Variants in MAML3 observed in about 807,000 individuals in gnomAD.
MAML3 encodes the protein mastermind-like protein 3.
Under a neutral mutation model 101.9 loss-of-function variants are expected in MAML3, and 27 were observed. The observed-to-expected ratio is 0.27, with a 90% confidence interval of 0.20 to 0.37. The LOEUF is 0.37. Ranked by LOEUF, MAML3 falls within the 10% of genes least tolerant of loss-of-function variation. The pLI is 1.00. For synonymous variants in MAML3, 501 were observed against 555.9 expected, an observed-to-expected ratio of 0.90 and a Z score of 1.39; for missense variants, 1,316 against 1,444.9, an observed-to-expected ratio of 0.91 and a Z score of 1.45.
intron 1 of MAML3, among the ~76,000 whole-genome samples, chr4:140,098,730 G>A (rs6817684): frequency 0.1 from 15,729 of 152,264 alleles, 1,334 homozygotes; most frequent in African/African-American, 0.23. Flanking sequence ...GGTCTGCATC[G>A]GGCTATTCAC....
intron 1 of MAML3, among the ~76,000 whole-genome samples, chr4:139,904,222 C>A (rs1413873046): frequency 6.6e-6 from 1 of 152,192 alleles, no homozygotes; most frequent in East Asian, 1.9e-4. Flanking sequence ...GTTGAAGCCA[C>A]CCAGTGTGTG....
intron 2 of MAML3, among the ~76,000 whole-genome samples, chr4:139,823,709 A>C: frequency 6.6e-6 from 1 of 151,602 alleles, no homozygotes; most frequent in Non-Finnish European, 1.5e-5. Context: ...CATACTATGT[A>C]ATTTACACTC....
chr4:139,747,770 T>C (rs1729374703), intron 2 of MAML3, among the ~76,000 whole-genome samples: 1 of 151,932 alleles, frequency 6.6e-6, no homozygotes, highest in African/African-American at 2.4e-5. Context: ...AATGCATATA[T>C]AGGCTGGGCG....
At chr4:140,061,013 T>C (rs936371165) in intron 1 of MAML3, among the ~76,000 whole-genome samples, 2 of 152,120 alleles carry the variant, frequency 1.3e-5, no homozygotes, top group Non-Finnish European at 2.9e-5. Context: ...CAAGTTACCA[T>C]GAAGAAATAT....
chr4:139,975,087 C>A (rs1281498365), intron 1 of MAML3, among the ~76,000 whole-genome samples: 2 of 152,238 alleles, frequency 1.3e-5, no homozygotes, highest in East Asian at 3.9e-4. Context: ...TCACACCATT[C>A]TCTTCTCAGA....
chr4:139,811,897 G>A (rs1486972787), intron 2 of MAML3, among the ~76,000 whole-genome samples: 1 of 152,194 alleles, frequency 6.6e-6, no homozygotes, highest in Non-Finnish European at 1.5e-5. Context: ...TAATTCAGTA[G>A]AGCAGGAAAA....
At chr4:139,829,772 C>T (rs945643713) in intron 2 of MAML3, among the ~76,000 whole-genome samples, 3 of 152,120 alleles carry the variant, frequency 2.0e-5, no homozygotes, top group East Asian at 1.9e-4. Flanking sequence ...GATTCAAGCA[C>T]GTTTAGGCAG....
chr4:140,145,547 GA>G (rs1454720084), intron 1 of MAML3, among the ~76,000 whole-genome samples: 1 of 148,700 alleles, frequency 6.7e-6, no homozygotes, highest in Non-Finnish European at 1.5e-5. Flanking sequence ...AGCCTTTTGA[GA>G]TTTTTTTGTT....
intron 1 of MAML3, among the ~76,000 whole-genome samples, chr4:139,965,599 T>A (rs1301751841): frequency 6.6e-6 from 1 of 152,226 alleles, no homozygotes; most frequent in Admixed American, 6.5e-5. Context: ...GTAGCCAAAA[T>A]GTTGTAACAA....
chr4:139,907,374 C>T (rs917241829), intron 1 of MAML3, among the ~76,000 whole-genome samples: 6 of 152,192 alleles, frequency 3.9e-5, no homozygotes, highest in Admixed American at 3.3e-4. Flanking sequence ...AACTTACTTT[C>T]AAAGTCACCC....
At chr4:140,037,860 C>T (rs772562245) in intron 1 of MAML3, among the ~76,000 whole-genome samples, 15 of 152,096 alleles carry the variant, frequency 9.9e-5, no homozygotes, top group African/African-American at 3.1e-4. Flanking sequence ...CCCTTTGTCT[C>T]GAGCTACACT....
intron 1 of MAML3, among the ~76,000 whole-genome samples, chr4:140,050,553 CAAAG>C (rs199690639): frequency 0.038 from 5,809 of 152,210 alleles, 210 homozygotes; most frequent in African/African-American, 0.096. Context: ...CCAGGTTCTC[CAAAG>C]CAGCCATGTG....
chr4:139,871,051 A>T (rs1471769336), intron 2 of MAML3, among the ~76,000 whole-genome samples: 2 of 152,244 alleles, frequency 1.3e-5, no homozygotes, highest in African/African-American at 2.4e-5. Flanking sequence ...CAGTCACACA[A>T]TACACACATT....
rs1328980397 is a variant in MAML3, at chr4:139,840,555, T to A, written c.2079+48802A>T. 7.2e-5 allele frequency among the ~76,000 whole-genome samples: 11 copies of A among 152,080 alleles called. No homozygotes were observed. The East Asian group carries it at 1.9e-3, about 27-fold the overall frequency. On this transcript the variant is annotated intron_variant, in intron 2 of 4. Transcript: ENST00000509479. Reference sequence around the variant, plus strand: ...CCTGGCAAGGGGTATTCTCGACAAATGAAGGGATCCAGTTCCCAAGGGCAA... The same window carrying A: ...CCTGGCAAGGGGTATTCTCGACAAAAGAAGGGATCCAGTTCCCAAGGGCAA...
chr4:140,138,233 T>C (rs1284807077), intron 1 of MAML3, among the ~76,000 whole-genome samples: 1 of 152,214 alleles, frequency 6.6e-6, no homozygotes, highest in Non-Finnish European at 1.5e-5. Flanking sequence ...CTGAGTGTGG[T>C]TATTTACGAT....
At chr4:139,750,470 T>C (rs1033930122) in intron 2 of MAML3, among the ~76,000 whole-genome samples, 2 of 152,224 alleles carry the variant, frequency 1.3e-5, no homozygotes, top group African/African-American at 4.8e-5. Flanking sequence ...GGTGCAGTTT[T>C]GGGCTTTCTT....
rs75427688 is a variant in MAML3, at chr4:139,857,936, A to G, written c.2079+31421T>C. Among the ~76,000 whole-genome samples the G allele has an allele frequency of 1.6e-3, 246 of 152,288 alleles. 2 individuals carry two copies. In the East Asian group the frequency reaches 0.026, roughly 16 times the overall value. Reference sequence around the variant, plus strand: ...TTCTCTCTCTCAAGTGTGGCATTCAATGGACATATGCCACCTAGCGTGGTC... The same window carrying G: ...TTCTCTCTCTCAAGTGTGGCATTCAGTGGACATATGCCACCTAGCGTGGTC... On this transcript the variant is annotated intron_variant, in intron 2 of 4. Coordinates refer to ENST00000509479, the MANE Select transcript of MAML3 (RefSeq NM_018717.5).
chr4:140,106,706 T>C (rs1366910581), intron 1 of MAML3, among the ~76,000 whole-genome samples: 2 of 152,220 alleles, frequency 1.3e-5, no homozygotes, highest in East Asian at 3.8e-4. Flanking sequence ...TCATTGGTGT[T>C]GCAACTACCC....
At chr4:139,982,865 T>C (rs1190607145) in intron 1 of MAML3, among the ~76,000 whole-genome samples, 4 of 152,180 alleles carry the variant, frequency 2.6e-5, no homozygotes, top group Non-Finnish European at 2.9e-5. Context: ...AGTTCCAATA[T>C]ATCATATGTT....
Sources: gnomAD v4.1 joint callset for allele counts (sites outside exome capture counted in the v4.1 genomes callset) on GRCh38, gnomAD v4.1.1 for gene constraint, MANE v1.5 for transcripts, NCBI Gene and HGNC (gene_info 2026-07-23, HGNC 2026-07-21) for gene names.